The following OCA2 variants were observed in gnomAD, a reference collection of about 807,000 sequenced individuals.
OCA2 encodes OCA2 melanosomal transmembrane protein, also known as P protein.
A neutral mutation model predicts 100.2 loss-of-function variants in OCA2; 77 were observed. The ratio of observed to expected loss-of-function variants is 0.77; its 90% CI spans 0.64 to 0.93. The LOEUF (loss-of-function observed/expected upper bound fraction) is 0.93. OCA2 is among the 40% of genes least tolerant of loss of function. OCA2 has a pLI of 0.00. For synonymous variants in OCA2, 432 were observed against 439.2 expected (o/e 0.98, Z 0.21); for missense variants, 1,062 against 1,089.1 (o/e 0.98, Z 0.35).
chr15:28,099,018 AG>A, intron 1 of OCA2: 1 of 154,398 alleles, frequency 6.5e-6, no homozygotes, highest in East Asian at 1.9e-4. Flanking sequence ...GGGGGTGCTC[AG>A]GGGGCAGCTG....
At chr15:27,731,973 C>A in the OCA2 span, among the ~76,000 whole-genome samples, 4 of 152,324 alleles carry the variant, frequency 2.6e-5, no homozygotes, top group African/African-American at 9.6e-5. Context: ...TCAGGCGAGA[C>A]CCCTGGAGTA....
At chr15:27,874,756 C>A (rs947959307) in intron 19 of OCA2, among the ~76,000 whole-genome samples, 1 of 151,980 alleles carries the variant, frequency 6.6e-6, no homozygotes, top group East Asian at 1.9e-4. Flanking sequence ...ACTAAAAATA[C>A]TAAAAGAGTG....
chr15:27,768,432 A>G (rs554789178), intron 23 of OCA2, among the ~76,000 whole-genome samples: 2 of 152,304 alleles, frequency 1.3e-5, no homozygotes, highest in African/African-American at 4.8e-5. Flanking sequence ...GTTCCCGACT[A>G]GCCGCCTCAC....
intron 14 of OCA2, among the ~76,000 whole-genome samples, chr15:27,978,788 C>T (rs750167326): frequency 2.0e-5 from 3 of 151,818 alleles, no homozygotes; most frequent in African/African-American, 7.3e-5. Context: ...CGGGTTCAAG[C>T]GATTCTCCTG....
chr15:27,916,731 G>A (rs375313502), intron 19 of OCA2, among the ~76,000 whole-genome samples: 1 of 152,120 alleles, frequency 6.6e-6, no homozygotes, highest in Non-Finnish European at 1.5e-5. Context: ...TCTGACCTCA[G>A]TAACAAAAGT....
At chr15:27,976,043 T>A (rs1397672521) in intron 14 of OCA2, among the ~76,000 whole-genome samples, 1 of 79,216 alleles carries the variant, frequency 1.3e-5, no homozygotes, top group Non-Finnish European at 3.2e-5. Flanking sequence ...TGTGCTACTG[T>A]AAGTGAAATT....
At chr15:27,777,163 C>T (rs1401821008) in intron 23 of OCA2, among the ~76,000 whole-genome samples, 3 of 152,158 alleles carry the variant, frequency 2.0e-5, no homozygotes, top group African/African-American at 4.8e-5. Flanking sequence ...AGCAGGGTGG[C>T]TCTAGCAACC....
intron 23 of OCA2, among the ~76,000 whole-genome samples, chr15:27,801,110 A>G (rs2033586304): frequency 6.6e-6 from 1 of 152,238 alleles, no homozygotes; most frequent in South Asian, 2.1e-4. Flanking sequence ...AAAACTGAAT[A>G]AAAGAGAATC....
At chr15:28,020,692 C>A (rs1002233466) in intron 6 of OCA2, among the ~76,000 whole-genome samples, 2 of 152,250 alleles carry the variant, frequency 1.3e-5, no homozygotes, top group African/African-American at 4.8e-5. Flanking sequence ...TACTTTACAG[C>A]TCAGGCACGG....
chr15:27,786,975 A>C, intron 23 of OCA2, among the ~76,000 whole-genome samples: 1 of 152,108 alleles, frequency 6.6e-6, no homozygotes, highest in South Asian at 2.1e-4. Flanking sequence ...TACTGTTTCG[A>C]GACTTTTAAT....
chr15:27,911,370 G>A (rs1432881624), intron 19 of OCA2, among the ~76,000 whole-genome samples: 1 of 152,080 alleles, frequency 6.6e-6, no homozygotes, highest in Admixed American at 6.5e-5. Context: ...TGCAGTGATT[G>A]TGCCACTGCA....
chr15:27,954,693 T>C (rs1218263275), intron 17 of OCA2, among the ~76,000 whole-genome samples: 1 of 149,948 alleles, frequency 6.7e-6, no homozygotes, highest in Non-Finnish European at 1.5e-5. Flanking sequence ...CATGGAAGAA[T>C]GAGCCAAAAA....
At chr15:28,054,968 T>C (rs2043644161) in intron 2 of OCA2, among the ~76,000 whole-genome samples, 1 of 152,132 alleles carries the variant, frequency 6.6e-6, no homozygotes, top group African/African-American at 2.4e-5. Context: ...TCATTTACTA[T>C]CACCAGAATA....
intron 2 of OCA2, 77 bp from the exon 3 acceptor site, chr15:28,032,240 T>G: frequency 1.8e-6 from 2 of 1,097,602 alleles, no homozygotes; most frequent in Non-Finnish European, 2.8e-6. Context: ...GGTGCTAGAT[T>G]CAAGAATGTG....
intron 23 of OCA2, among the ~76,000 whole-genome samples, chr15:27,814,166 T>G (rs1466858497): frequency 6.6e-6 from 1 of 152,186 alleles, no homozygotes. Flanking sequence ...ACTATGTATT[T>G]GTACCCACTA....
intron 19 of OCA2, among the ~76,000 whole-genome samples, chr15:27,896,816 T>G (rs560950213): frequency 6.6e-6 from 1 of 152,342 alleles, no homozygotes; most frequent in African/African-American, 2.4e-5. Context: ...TTAAGCCAGC[T>G]GCAGAAATTT....
At chr15:27,870,845 A>C (rs2036537836) in intron 21 of OCA2, among the ~76,000 whole-genome samples, 1 of 152,148 alleles carries the variant, frequency 6.6e-6, no homozygotes, top group African/African-American at 2.4e-5. Flanking sequence ...AAAGAAAGAG[A>C]GAAAGCAAGC....
chr15:28,043,953 A>C lies in OCA2; in HGVS notation c.228-11790T>G, dbSNP rs2043275614. Among the ~76,000 whole-genome samples the C allele has an allele frequency of 6.6e-6, 1 of 152,224 alleles. No individual in the cohort carries two copies. Among genetic ancestry groups the C allele is most frequent in the Admixed American group, 6.5e-5 (1 of 15,284 alleles). ...TCCTAATAGCCATACTTTCACAGAA[A>C]GGCCAATGAATGCTTGAGTCCTGGA... On this transcript the variant is annotated intron_variant, in intron 2 of 23. Transcript: ENST00000354638. This position sits in a 1 kb window ranked among gnomAD's most constrained non-coding sequence, Gnocchi z 4.4.
At chr15:27,958,194 G>A (rs892357033) in intron 15 of OCA2, among the ~76,000 whole-genome samples, 12 of 152,074 alleles carry the variant, frequency 7.9e-5, no homozygotes, top group Non-Finnish European at 1.5e-4. Context: ...AGAACTTAAA[G>A]TGTAATAAAA....
Sources: gnomAD v4.1 joint callset for allele counts (sites outside exome capture counted in the v4.1 genomes callset) on GRCh38, gnomAD v4.1.1 for gene constraint, Gnocchi (gnomAD v3.1) non-coding constraint, MANE v1.5 for transcripts, NCBI Gene and HGNC (gene_info 2026-07-23, HGNC 2026-07-21) for gene names.